Variants in C16orf95 observed in about 807,000 individuals in gnomAD.
The protein encoded by C16orf95 is uncharacterized protein C16orf95.
In C16orf95, 41 loss-of-function variants were observed where a neutral mutation model predicts 32.1. That is an observed-to-expected ratio of 1.28 (90% CI 1.00 to 1.66). The LOEUF is 1.66. Ranked by LOEUF, C16orf95 falls within the 40% of genes most tolerant of loss-of-function variation. C16orf95 has a pLI of 0.00. For missense variants in C16orf95, 399 were observed against 325.9 expected (o/e 1.22, Z -1.73); for synonymous variants, 147 against 128.9 (o/e 1.14, Z -0.95).
intron 3 of C16orf95, 31 bp from the exon 4 acceptor site, chr16:87,311,327 G>A (rs190923660): frequency 4.1e-5 from 62 of 1,506,120 alleles, no homozygotes; most frequent in South Asian, 6.3e-5. Context: ...AGAAGATTCA[G>A]AAGGGGATGG....
At chr16:87,315,199 C>T (rs1213246237) in intron 2 of C16orf95, 103 bp from the exon 3 acceptor site, 9 of 1,261,386 alleles carry the variant, frequency 7.1e-6, no homozygotes, top group Middle Eastern at 2.7e-4. Context: ...AGATGGTGTC[C>T]GGGGGCAGGG....
intron 6 of C16orf95, 141 bp from the exon 7 acceptor site, chr16:87,303,216 G>C: frequency 1.2e-6 from 1 of 822,130 alleles, no homozygotes; most frequent in Non-Finnish European, 2.0e-6. Flanking sequence ...TCCCAGGCAG[G>C]GAAGGGGTGC....
chr16:87,315,076 G>A lies in C16orf95; in HGVS notation c.225C>T (p.Ala75=). The change falls in exon 3 of 7, where the codon GCC becomes GCT. Residue 75 remains alanine, a synonymous_variant. Transcript: ENST00000567970. ...PRHSMHPGPW[A]ICCECQTRFG... ...ATCTGGTCTGGCATTCACAGCAGAT[G>A]GCCCAGGGGCCAGGGTGCATCTGAG... The A allele has an allele frequency of 6.5e-7, 1 of 1,536,118 alleles. No individual in the cohort carries two copies. The highest frequency in any genetic ancestry group is 8.7e-7 in the Non-Finnish European group (1 of 1,146,886).
At chr16:87,315,154 G>A in intron 2 of C16orf95, 58 bp from the exon 3 acceptor site, 3 of 1,515,316 alleles carry the variant, frequency 2.0e-6, no homozygotes, top group Non-Finnish European at 1.8e-6. Context: ...CAGGGAGACA[G>A]GAGGCTCTCA....
intron 5 of C16orf95, among the ~76,000 whole-genome samples, chr16:87,308,883 C>T (rs975490596): frequency 3.3e-5 from 5 of 152,224 alleles, no homozygotes; most frequent in Non-Finnish European, 5.9e-5. Flanking sequence ...ATTGTGTAAG[C>T]TGAGCCAGTT....
intron 4 of C16orf95, 113 bp downstream of exon 4, chr16:87,311,037 C>A: frequency 9.2e-7 from 1 of 1,081,342 alleles, no homozygotes. Flanking sequence ...CAGCAGAGGC[C>A]TTTGTGGGAG....
Position 87,311,225 on chromosome 16 carries a change from C to T in C16orf95, c.402G>A (p.Gly134=). 6.5e-7 allele frequency: 1 copy of T among 1,535,836 alleles called. No individual in the cohort carries two copies. ...GGTCCCTAGGCATCGGGAGGCGGCCCCCAAAGCGGTGGCATAGGCAGGGGC... is the reference window on the plus strand; with the variant it reads ...GGTCCCTAGGCATCGGGAGGCGGCCTCCAAAGCGGTGGCATAGGCAGGGGC... The part of the protein sequence containing the change: ...KMCPCLCHRF[G]GRLPMPRDQA... The change falls in exon 4 of 7, where the codon GGG becomes GGA. Residue 134 remains glycine (G), a synonymous_variant. Transcript: ENST00000567970.
intron 1 of C16orf95, among the ~76,000 whole-genome samples, chr16:87,316,721 G>T (rs1904353023): frequency 6.6e-6 from 1 of 152,020 alleles, no homozygotes; most frequent in Non-Finnish European, 1.5e-5. Context: ...AGCCTGGAAA[G>T]CTGGGAAAAA....
intron 5 of C16orf95, among the ~76,000 whole-genome samples, chr16:87,309,267 G>A (rs1482924363): frequency 6.7e-6 from 1 of 148,726 alleles, no homozygotes; most frequent in Non-Finnish European, 1.5e-5. Context: ...GTTCAGATAT[G>A]TTATAATAAG....
In C16orf95 at chr16:87,311,169, A is replaced by G. The variant is rs1342974463; in HGVS notation, c.458T>C (p.Val153Ala). The G allele has an allele frequency of 1.3e-6, 2 of 1,533,322 alleles. No homozygotes were observed. Among genetic ancestry groups the G allele is most frequent in the Non-Finnish European group, 1.7e-6 (2 of 1,144,960 alleles). 95.0% of individuals were successfully genotyped at this position (1,533,322 alleles called of 1,614,324 possible). ...CCTTACCTGCTGCTGAGACCTCAGG[A>G]CCTGGGGCACCCAGTAGGGCATCAC... is the stretch of plus-strand genomic sequence containing the variant. ...QAVMPYWVPQ[V>A]LRSQQQIVRR... Residue 153 changes from valine (V) to alanine (A), a missense_variant, in exon 4 of 7, where the codon GTC (valine) becomes GCC (alanine). Coordinates refer to ENST00000567970, the MANE Select transcript of C16orf95 (RefSeq NM_001195124.3).
chr16:87,315,001 C>G lies in C16orf95; in HGVS notation c.300G>C (p.Trp100Cys). The change falls in exon 3 of 7, where the codon TGG (tryptophan) becomes TGC (cysteine). Residue 100 changes from tryptophan to cysteine, a missense_variant. Physicochemically the swap from Trp to Cys is radical, Grantham distance 215 (BLOSUM62 -2). Transcript: ENST00000567970. ...TTCGGGGTCTCAGGGACAGAGGGAC[C>G]CAGTAAGGCAGTGCTGCTTCCACCC... ...VSRVEAALPYWVPLSLRPRKQ... is the reference protein window; with the variant it reads ...VSRVEAALPYCVPLSLRPRKQ... The G allele has an allele frequency of 6.5e-7, 1 of 1,536,094 alleles. No individual in the cohort carries two copies. The highest frequency in any genetic ancestry group is 8.7e-7 in the Non-Finnish European group (1 of 1,146,902).
chr16:87,315,257 G>A (rs569806549), intron 2 of C16orf95, among the ~76,000 whole-genome samples, 161 bp from the exon 3 acceptor site: 5 of 152,288 alleles, frequency 3.3e-5, no homozygotes, highest in African/African-American at 1.2e-4. Flanking sequence ...ACCGTGGCTC[G>A]CCCTGAGGCC....
chr16:87,312,724 A>C (rs1277718041), intron 3 of C16orf95, among the ~76,000 whole-genome samples: 3 of 152,192 alleles, frequency 2.0e-5, no homozygotes, highest in Non-Finnish European at 4.4e-5. Flanking sequence ...AAAGTCTCCA[A>C]ATTGAAAAGG....
chr16:87,304,730 AG>A (rs1445654444), intron 6 of C16orf95, among the ~76,000 whole-genome samples: 2 of 152,172 alleles, frequency 1.3e-5, no homozygotes, highest in Admixed American at 6.5e-5. Context: ...GTCCAACTCT[AG>A]GAGAATGGAT....
intron 6 of C16orf95, among the ~76,000 whole-genome samples, chr16:87,304,660 AC>A (rs1910931488): frequency 6.6e-6 from 1 of 152,124 alleles, no homozygotes; most frequent in Admixed American, 6.5e-5. Flanking sequence ...CCCACAAGGG[AC>A]CCGTACCCCG....
intron 3 of C16orf95, among the ~76,000 whole-genome samples, chr16:87,312,090 T>C (rs1453984665): frequency 1.3e-5 from 2 of 152,228 alleles, no homozygotes; most frequent in African/African-American, 4.8e-5. Flanking sequence ...CTTGCCTCAG[T>C]TCCTCACCCT....
At chr16:87,307,303 C>G (rs1054612451) in intron 5 of C16orf95, among the ~76,000 whole-genome samples, 13 of 152,280 alleles carry the variant, frequency 8.5e-5, no homozygotes, top group Admixed American at 8.5e-4. Context: ...TGTGGAGGTC[C>G]TGATCTCCCC....
At chr16:87,309,384 T>TC (rs1911177133) in intron 5 of C16orf95, among the ~76,000 whole-genome samples, 1 of 68,342 alleles carries the variant, frequency 1.5e-5, no homozygotes, top group African/African-American at 3.9e-5. Context: ...TTTTTTTTTT[T>TC]TTTTTTTTTT....
At chr16:87,309,372 CTTTTTTTTTTTTTT>C (rs10551847) in intron 5 of C16orf95, among the ~76,000 whole-genome samples, 14 of 86,074 alleles carry the variant, frequency 1.6e-4, no homozygotes, top group Non-Finnish European at 2.2e-4. Flanking sequence ...TCTTTCTTTT[CTTTTTTTTTTTTTT>C]TTTTTTTTTT....
Sources: allele counts gnomAD v4.1 joint callset (sites outside exome capture counted in the v4.1 genomes callset), GRCh38; gene constraint gnomAD v4.1.1; transcripts MANE v1.5; gene names NCBI Gene and HGNC (gene_info 2026-07-23, HGNC 2026-07-21).